Variants in TMPRSS2 observed in about 807,000 individuals in gnomAD.
The protein encoded by TMPRSS2 is transmembrane protease serine 2.
A neutral mutation model predicts 67.4 loss-of-function variants in TMPRSS2; 59 were observed. The ratio of observed to expected loss-of-function variants is 0.88; its 90% CI spans 0.71 to 1.09. The LOEUF is 1.09. Among genes scored for constraint, TMPRSS2 ranks in the 50% least tolerant of loss-of-function variants. The pLI is 0.00. For missense variants in TMPRSS2, 668 were observed against 642.7 expected (o/e 1.04, Z -0.43); for synonymous variants, 257 against 257.0 (o/e 1.00, Z 0.00).
intron 2 of TMPRSS2, 96 bp downstream of exon 2, chr21:41,498,023 T>C (rs1210628714): frequency 3.2e-6 from 3 of 936,380 alleles, no homozygotes; most frequent in Non-Finnish European, 5.1e-6. Context: ...TCCCTACAAA[T>C]AGCCCTTGCA....
At chr21:41,467,661 C>T (rs961773771) in intron 13 of TMPRSS2, 73 bp downstream of exon 13, 7 of 1,567,282 alleles carry the variant, frequency 4.5e-6, no homozygotes, top group Non-Finnish European at 6.1e-6. Flanking sequence ...AGCAGCAGAA[C>T]CACGCCTAAC....
intron 3 of TMPRSS2, among the ~76,000 whole-genome samples, chr21:41,493,597 G>A (rs1005067500): frequency 5.3e-5 from 8 of 152,324 alleles, no homozygotes; most frequent in African/African-American, 1.9e-4. Context: ...AAAGATCAAT[G>A]TAAAAGATCT....
chr21:41,476,498 G>A (rs761298959), intron 8 of TMPRSS2, 79 bp downstream of exon 8: 6 of 1,444,322 alleles, frequency 4.2e-6, no homozygotes, highest in Non-Finnish European at 5.8e-6. Flanking sequence ...CGCCCCCAGA[G>A]ACACAGGGAG....
Position 41,476,565 on chromosome 21 carries a change from A to G in TMPRSS2, c.727+12T>C. ...TTAGAAGTATCAAAAGGGGGACTCCAGATGAACTTACCTATACAGCGTAAA... is the reference window on the plus strand; with the variant it reads ...TTAGAAGTATCAAAAGGGGGACTCCGGATGAACTTACCTATACAGCGTAAA... On this transcript the variant is annotated intron_variant, in intron 8 of 13. Transcript: ENST00000332149. 1 of 1,612,832 alleles carries G rather than the reference A, an allele frequency of 6.2e-7. No individual in the cohort carries two copies. Among genetic ancestry groups the G allele is most frequent in the Non-Finnish European group, 8.5e-7 (1 of 1,179,356 alleles).
At chr21:41,480,433 GCTGT>G in intron 6 of TMPRSS2, 39 bp downstream of exon 6, 3 of 1,601,388 alleles carry the variant, frequency 1.9e-6, no homozygotes, top group South Asian at 1.1e-5. Flanking sequence ...TCGTGTTTCT[GCTGT>G]CTGTTACTGT....
At chr21:41,485,468 A>G (rs1171343570) in intron 5 of TMPRSS2, among the ~76,000 whole-genome samples, 1 of 151,866 alleles carries the variant, frequency 6.6e-6, no homozygotes, top group Non-Finnish European at 1.5e-5. Flanking sequence ...GACAACATTG[A>G]TGAAACCCAT....
chr21:41,504,887 C>A (rs2091447395), intron 1 of TMPRSS2, among the ~76,000 whole-genome samples: 2 of 152,160 alleles, frequency 1.3e-5, no homozygotes, highest in African/African-American at 2.4e-5. Flanking sequence ...CGCAGTGCAT[C>A]CCATATTGGA....
At chr21:41,467,972 G>C in intron 12 of TMPRSS2, 86 bp from the exon 13 acceptor site, 1 of 1,497,968 alleles carries the variant, frequency 6.7e-7, no homozygotes, top group South Asian at 1.2e-5. Flanking sequence ...GAGTTGGGGG[G>C]CGGGGGTCGC....
rs1056602 is a variant in TMPRSS2 at position 41,467,854 on chromosome 21, C to T, written c.1347G>A (p.Lys449=). ...GDSGGPLVTS[K]NNIWWLIGDT... is the part of the protein sequence containing the mutation. The stretch of plus-strand genomic sequence containing the variant: ...CCCCTATCAGCCACCAGATATTGTT[C>T]TTCGAAGTGACCAGAGGCCCTCCAC... Residue 449 remains lysine, a synonymous_variant, in exon 13 of 14, where the codon AAG becomes AAA. Coordinates refer to ENST00000332149, the MANE Select transcript of TMPRSS2 (RefSeq NM_005656.4). 2 of 1,614,128 alleles carry T rather than the reference C, an allele frequency of 1.2e-6. No individual in the cohort carries two copies. The highest frequency in any genetic ancestry group is 2.7e-5 in the African/African-American group (2 of 74,936).
chr21:41,489,588 T>C lies in TMPRSS2; in HGVS notation c.244A>G (p.Lys82Glu), dbSNP rs1464819685. 3.7e-6 allele frequency: 6 copies of C among 1,613,804 alleles called. No individual in the cohort carries two copies. The highest frequency in any genetic ancestry group is 5.1e-6 in the Non-Finnish European group (6 of 1,179,812). The change falls in exon 4 of 14, where the codon AAG (lysine) becomes GAG (glutamate). Residue 82 changes from lysine (K) to glutamate (E), a missense_variant. Physicochemically the swap from Lys to Glu is moderately conservative, Grantham distance 56. Coordinates refer to ENST00000332149, the MANE Select transcript of TMPRSS2 (RefSeq NM_005656.4). ...PSGTVCTSKT[K>E]KALCITLTLG... is the part of the protein sequence containing the mutation. Reference sequence around the variant, plus strand: ...GTCAAGGTGATGCACAGTGCTTTCTTAGTCTCTGGAAGAAGGAGGAGAGTG... The same window carrying C: ...GTCAAGGTGATGCACAGTGCTTTCTCAGTCTCTGGAAGAAGGAGGAGAGTG...
intron 2 of TMPRSS2, among the ~76,000 whole-genome samples, chr21:41,496,235 G>GA (rs972474880): frequency 6.6e-6 from 1 of 152,104 alleles, no homozygotes; most frequent in African/African-American, 2.4e-5. Context: ...ATTTTGCAGA[G>GA]AAAAAAACTG....
rs79397218 is a variant in TMPRSS2 at position 41,480,455 on chromosome 21, C to T, written c.572+21G>A. On this transcript the variant is annotated intron_variant, in intron 6 of 13. Transcript: ENST00000332149. ...TCTGCTGTCTGTTACTGTCACTCGGCGGGTGCTGCCCCATACTCACTTATA... is the reference window on the plus strand; with the variant it reads ...TCTGCTGTCTGTTACTGTCACTCGGTGGGTGCTGCCCCATACTCACTTATA... 10 of 1,609,068 alleles carry T rather than the reference C, an allele frequency of 6.2e-6. No homozygotes were observed. The South Asian group carries it at 6.6e-5, about 11-fold the overall frequency.
At position 41,476,762 on chromosome 21, in the gene TMPRSS2, A is replaced by G. The variant is rs148136016; in HGVS notation, c.684-142T>C. 1.1e-4 allele frequency: 82 copies of G among 744,706 alleles called. No homozygotes were observed. In the African/African-American group the frequency reaches 1.3e-3, roughly 12 times the overall value. The allele number at this position is 744,706 out of a possible 1,614,324, so 46.1% of individuals were successfully genotyped here. A position where few individuals can be genotyped will look rare whatever the true frequency, so the allele number is the denominator to read the frequency against. The stretch of plus-strand genomic sequence containing the variant: ...AGGGTCTGCTAGTTACAACTCCAAT[A>G]AGGTAAGTAAATCCATATAGGGACA... On this transcript the variant is annotated intron_variant, in intron 7 of 13. Transcript: ENST00000332149.
intron 2 of TMPRSS2, 149 bp downstream of exon 2, chr21:41,497,970 C>A: frequency 4.8e-6 from 3 of 624,138 alleles, no homozygotes; most frequent in Non-Finnish European, 8.5e-6. Flanking sequence ...CTGACTCACT[C>A]TTTCTAGAGG....
chr21:41,497,660 T>A (rs1169459158), intron 2 of TMPRSS2, among the ~76,000 whole-genome samples: 1 of 152,212 alleles, frequency 6.6e-6, no homozygotes, highest in East Asian at 1.9e-4. Flanking sequence ...GGAGCAGAGA[T>A]TAGCCACATT....
Position 41,495,826 on chromosome 21 carries a change from G to A in TMPRSS2, c.16-1248C>T, listed in dbSNP as rs1036480590. Among the ~76,000 whole-genome samples, 4 of 151,768 alleles carry A rather than the reference G, an allele frequency of 2.6e-5. No individual in the cohort carries two copies. In the East Asian group the frequency reaches 7.7e-4, roughly 29 times the overall value. On this transcript the variant is annotated intron_variant, in intron 2 of 13. Coordinates refer to ENST00000332149, the MANE Select transcript of TMPRSS2 (RefSeq NM_005656.4). The stretch of plus-strand genomic sequence containing the variant: ...TCAAACTCGAGAACCACACAAGCCA[G>A]GGCAAACCCACCCCAGGGCTTCTGC...
At chr21:41,486,461 G>A (rs2091298877) in intron 5 of TMPRSS2, 1 of 152,132 alleles carries the variant, frequency 6.6e-6, no homozygotes, top group South Asian at 2.1e-4. Flanking sequence ...CACCACGTCT[G>A]GCTAATTTTT....
Position 41,494,515 on chromosome 21 carries a change from G to C in TMPRSS2, c.79C>G (p.Pro27Ala), listed in dbSNP as rs554868303. ...NHGYQPENPY[P>A]AQPTVVPTVY... ...GTGGGGACCACAGTGGGCTGTGCGG[G>C]ATAGGGGTTTTCCGGTTGGTATCCA... Residue 27 changes from proline to alanine, a missense_variant, in exon 3 of 14, where the codon CCC becomes GCC. Coordinates refer to ENST00000332149, the MANE Select transcript of TMPRSS2 (RefSeq NM_005656.4). The C allele has an allele frequency of 7.4e-6, 12 of 1,614,112 alleles. No homozygotes were observed. The African/African-American group carries it at 1.3e-4, about 18-fold the overall frequency.
At chr21:41,485,586 T>C (rs2091290824) in intron 5 of TMPRSS2, among the ~76,000 whole-genome samples, 1 of 151,058 alleles carries the variant, frequency 6.6e-6, no homozygotes, top group African/African-American at 2.4e-5. Context: ...GACATCGAAG[T>C]TGCAGTGAGC....
Sources: gnomAD v4.1 joint callset for allele counts (sites outside exome capture counted in the v4.1 genomes callset) on GRCh38, gnomAD v4.1.1 for gene constraint, MANE v1.5 for transcripts, NCBI Gene and HGNC (gene_info 2026-07-23, HGNC 2026-07-21) for gene names.